Variants in USP47 observed in about 807,000 individuals in gnomAD.
USP47 encodes ubiquitin carboxyl-terminal hydrolase 47.
In USP47, 35 loss-of-function variants were observed where a neutral mutation model predicts 165.1. That is an observed-to-expected ratio of 0.21 (90% confidence interval 0.16 to 0.28). The LOEUF is 0.28. Ranked by LOEUF, USP47 falls within the 10% of genes least tolerant of loss-of-function variation. The pLI, the probability that USP47 is intolerant of heterozygous loss-of-function variation, is 1.00. For synonymous variants in USP47, 531 were observed against 544.5 expected (o/e 0.98, Z 0.35); for missense variants, 1,277 against 1,607.4 (o/e 0.79, Z 3.52).
At chr11:11,917,616 A>G (rs998412878) in intron 8 of USP47, among the ~76,000 whole-genome samples, 7 of 138,414 alleles carry the variant, frequency 5.1e-5, no homozygotes, top group African/African-American at 1.6e-4. Context: ...ACTGGCAGAC[A>G]CTGAAAGCTT....
chr11:11,955,747 T>G (rs775311275), intron 27 of USP47, among the ~76,000 whole-genome samples: 4 of 152,218 alleles, frequency 2.6e-5, no homozygotes, highest in Non-Finnish European at 5.9e-5. Context: ...CAGTGCCTAT[T>G]ATAGATGTTC....
rs754074088 is a variant in USP47, at chr11:11,947,926, GT to G, written c.3092-9del. 5.2e-4 allele frequency: 690 copies of G among 1,327,942 alleles called. No individual in the cohort carries two copies. Among genetic ancestry groups the G allele is most frequent in the South Asian group, 1.7e-3 (114 of 68,940 alleles). 82.3% of individuals were successfully genotyped at this position (1,327,942 alleles called of 1,614,324 possible). A position where few individuals can be genotyped will look rare whatever the true frequency, so the allele number is the denominator to read the frequency against. ...CTTTTACATTTTTGTTCCTGTTTTGGTTTTTTTTTTGTGCTTAGGGTTGATG... is the reference window on the plus strand; with the variant it reads ...CTTTTACATTTTTGTTCCTGTTTTGGTTTTTTTTTGTGCTTAGGGTTGATG... On this transcript the variant is annotated intron_variant, in intron 20 of 27. Coordinates refer to ENST00000527733, the MANE Select transcript of USP47 (RefSeq NM_001282659.2).
chr11:11,910,395 A>G (rs889734001), intron 8 of USP47, among the ~76,000 whole-genome samples: 2 of 152,126 alleles, frequency 1.3e-5, no homozygotes, highest in African/African-American at 4.8e-5. Flanking sequence ...ACGAGGAAAA[A>G]GACAGCCTAG....
At position 11,954,044 on chromosome 11, in the gene USP47, G is replaced by A. The variant is rs1856396440; in HGVS notation, c.3715-853G>A. Among the ~76,000 whole-genome samples the A allele has an allele frequency of 3.3e-5, 5 of 152,178 alleles. No homozygotes were observed. In the South Asian group the frequency reaches 1.0e-3, roughly 32 times the overall value. ...GTGGGCAGATCACTTGAGTTCAGGA[G>A]TTCGAGACCAGCCTGGCCAACATGG... On this transcript the variant is annotated intron_variant, in intron 25 of 27. Coordinates refer to ENST00000527733, the MANE Select transcript of USP47 (RefSeq NM_001282659.2).
At chr11:11,844,374 G>A (rs12576316) in intron 1 of USP47, among the ~76,000 whole-genome samples, 19,419 of 151,944 alleles carry the variant, frequency 0.13, 1,574 homozygotes, top group Middle Eastern at 0.39. Flanking sequence ...TTGAAGCTCC[G>A]GGACAGGTCC....
intron 1 of USP47, among the ~76,000 whole-genome samples, chr11:11,857,061 T>A (rs1288783293): frequency 6.6e-6 from 1 of 151,978 alleles, no homozygotes; most frequent in Non-Finnish European, 1.5e-5. Context: ...GTGCTCCAAA[T>A]AATATTTATT....
chr11:11,859,316 G>T (rs745380089), intron 1 of USP47, among the ~76,000 whole-genome samples: 6 of 152,136 alleles, frequency 3.9e-5, no homozygotes, highest in Non-Finnish European at 8.8e-5. Context: ...TACAATTTTG[G>T]TAGGCTCTTT....
chr11:11,870,923 C>G (rs1849996984), intron 1 of USP47, among the ~76,000 whole-genome samples: 1 of 151,912 alleles, frequency 6.6e-6, no homozygotes, highest in Admixed American at 6.6e-5. Context: ...TCATAGTTTC[C>G]TGCTTCTTTG....
At chr11:11,924,746 G>A (rs1854108788) in intron 11 of USP47, among the ~76,000 whole-genome samples, 1 of 151,818 alleles carries the variant, frequency 6.6e-6, no homozygotes, top group Non-Finnish European at 1.5e-5. Context: ...GCATAGAGTT[G>A]TACAAAGTAT....
intron 1 of USP47, among the ~76,000 whole-genome samples, chr11:11,865,022 G>T (rs1849591553): frequency 6.6e-6 from 1 of 152,080 alleles, no homozygotes; most frequent in African/African-American, 2.4e-5. Flanking sequence ...GCTGTCATTT[G>T]AATTGTTTTA....
chr11:11,859,878 C>T (rs1849275156), intron 1 of USP47, among the ~76,000 whole-genome samples: 1 of 151,878 alleles, frequency 6.6e-6, no homozygotes, highest in South Asian at 2.1e-4. Flanking sequence ...CCGAGGCAGG[C>T]GAATCATTTG....
At chr11:11,948,384 A>G (rs1855988691) in intron 21 of USP47, 94 bp from the exon 22 acceptor site, 2 of 1,105,458 alleles carry the variant, frequency 1.8e-6, no homozygotes, top group Non-Finnish European at 2.7e-6. Flanking sequence ...AGAGCCTATA[A>G]TCTAGAGTAT....
intron 1 of USP47, among the ~76,000 whole-genome samples, chr11:11,877,799 CTCTCTCTGTGTGTGTGTG>C (rs1178807163): frequency 5.2e-5 from 3 of 57,864 alleles, no homozygotes; most frequent in African/African-American, 1.7e-4. Context: ...TTCTCTCTCT[CTCTCTCTGTGTGTGTGTG>C]TGTGTGTGTG....
Position 11,884,511 on chromosome 11 carries a change from T to A in USP47, c.288T>A (p.Asn96Lys). 1 of 1,612,076 alleles carries A rather than the reference T, an allele frequency of 6.2e-7. No homozygotes were observed. The highest frequency in any genetic ancestry group is 8.5e-7 in the Non-Finnish European group (1 of 1,179,320). Residue 96 changes from asparagine to lysine, a missense_variant, in exon 3 of 28, where the codon AAT (asparagine) becomes AAA (lysine). Physicochemically the swap from Asn to Lys is moderately conservative, Grantham distance 94 (BLOSUM62 0). Coordinates refer to ENST00000527733, the MANE Select transcript of USP47 (RefSeq NM_001282659.2). The part of the protein sequence containing the change: ...HTSDKSLLDA[N>K]FEPGKKNFLH... ...GTGACAAGTCACTTCTCGACGCTAA[T>A]TTTGAGCCAGGAAAGAAGAACTTTC...
At position 11,938,267 on chromosome 11, in the gene USP47, G is replaced by C; in HGVS notation, c.2088G>C (p.Val696=). Reference sequence around the variant, plus strand: ...CTTCAAATGTGACAGAAGTGATGGTGAAAGTTCATGTTGTTGATCTAAAGG... The same window carrying C: ...CTTCAAATGTGACAGAAGTGATGGTCAAAGTTCATGTTGTTGATCTAAAGG... ...FQSYKPGEVM[V]KVHVVDLKAE... is the part of the protein sequence containing the mutation. Residue 696 remains valine, a synonymous_variant, in exon 18 of 28, where the codon GTG becomes GTC. Coordinates refer to ENST00000527733, the MANE Select transcript of USP47 (RefSeq NM_001282659.2). The C allele has an allele frequency of 6.2e-7, 1 of 1,611,936 alleles. No homozygotes were observed. Among genetic ancestry groups the C allele is most frequent in the Non-Finnish European group, 8.5e-7 (1 of 1,178,628 alleles).
chr11:11,842,308 C>A, intron 1 of USP47, 84 bp downstream of exon 1: 2 of 1,471,984 alleles, frequency 1.4e-6, no homozygotes, highest in Non-Finnish European at 1.8e-6. Flanking sequence ...GGCTGCGGGC[C>A]CGGCCGGGGT....
At chr11:11,854,134 C>CAAAAAAA (rs539855427) in intron 1 of USP47, among the ~76,000 whole-genome samples, 1 of 59,182 alleles carries the variant, frequency 1.7e-5, no homozygotes, top group African/African-American at 4.9e-5. Context: ...GACTCCGTCT[C>CAAAAAAA]AAAAAAAAAA....
intron 5 of USP47, among the ~76,000 whole-genome samples, chr11:11,900,368 G>A (rs969491405): frequency 6.6e-6 from 1 of 151,906 alleles, no homozygotes; most frequent in Non-Finnish European, 1.5e-5. Flanking sequence ...CACCGTGTTA[G>A]CCAGGATGGT....
At chr11:11,940,700 T>C (rs1457190818) in intron 19 of USP47, 152 bp downstream of exon 19, 2 of 800,964 alleles carry the variant, frequency 2.5e-6, no homozygotes, top group African/African-American at 1.8e-5. Flanking sequence ...TCCTTTGTAG[T>C]CAGGTCAGGT....
Sources: allele counts gnomAD v4.1 joint callset (sites outside exome capture counted in the v4.1 genomes callset), GRCh38; gene constraint gnomAD v4.1.1; transcripts MANE v1.5; gene names NCBI Gene and HGNC (gene_info 2026-07-23, HGNC 2026-07-21).